The following TTI1 variants were observed in gnomAD, a reference collection of about 807,000 sequenced individuals.
The protein encoded by TTI1 is TELO2-interacting protein 1 homolog.
TTI1 carries 52 observed loss-of-function variants against 85.4 expected under a neutral mutation model. The observed-to-expected ratio is 0.61, with a 90% CI of 0.49 to 0.77. The LOEUF (loss-of-function observed/expected upper bound fraction) is 0.77. Among genes scored for constraint, TTI1 ranks in the 30% least tolerant of loss-of-function variants. TTI1 has a pLI of 0.00. For synonymous variants in TTI1, 512 were observed against 503.9 expected (o/e 1.02, Z -0.22); for missense variants, 1,173 against 1,296.0 (o/e 0.91, Z 1.46).
Position 38,013,218 on chromosome 20 carries a change from T to C in TTI1, c.599A>G (p.Lys200Arg). ...HPRSLDELEQ[K>R]QLGDLFASFL... ...AGAGGCAAACAAATCCCCCAGCTGC[T>C]TTTGTTCAAGTTCATCCAATGACCT... Residue 200 changes from lysine to arginine, a missense_variant, in exon 2 of 8, where the codon AAG becomes AGG. Lys to Arg is a conservative substitution (Grantham distance 26, BLOSUM62 2). Transcript: ENST00000373447. 1 of 1,614,104 alleles carries C rather than the reference T, an allele frequency of 6.2e-7. No individual in the cohort carries two copies. Among genetic ancestry groups the C allele is most frequent in the Non-Finnish European group, 8.5e-7 (1 of 1,180,036 alleles).
intron 4 of TTI1, among the ~76,000 whole-genome samples, chr20:38,001,620 T>C (rs540735386): frequency 6.6e-6 from 1 of 152,268 alleles, no homozygotes; most frequent in Non-Finnish European, 1.5e-5. Context: ...GCGCTGAGAT[T>C]TGAGATAATC....
chr20:37,999,354 T>C lies in TTI1; in HGVS notation c.2653-26A>G, dbSNP rs192623027. 5.0e-3 allele frequency: 6,846 copies of C among 1,362,580 alleles called. 28 individuals are homozygous for C. The highest frequency in any genetic ancestry group is 5.5e-3 in the Non-Finnish European group (5,748 of 1,046,036). 84.4% of individuals were successfully genotyped at this position (1,362,580 alleles called of 1,614,324 possible). On this transcript the variant is annotated intron_variant, in intron 4 of 7. Coordinates refer to ENST00000373447, the MANE Select transcript of TTI1 (RefSeq NM_001303457.2). ...CTGAAAGAGACACGATTTCAGCAGA[T>C]GGTATAGGCTTGAAAACAGATACCT...
chr20:37,996,294 G>T, intron 7 of TTI1, 81 bp downstream of exon 7: 1 of 1,423,930 alleles, frequency 7.0e-7, no homozygotes, highest in Middle Eastern at 1.8e-4. Context: ...GAGCAGAGAT[G>T]CCTCAACTCT....
At chr20:37,983,660 G>A in intron 7 of TTI1, 21 bp from the exon 8 acceptor site, 1 of 1,494,506 alleles carries the variant, frequency 6.7e-7, no homozygotes, top group Non-Finnish European at 8.9e-7. Flanking sequence ...ATGGAAAGGA[G>A]TGAGTAGAGG....
chr20:38,019,499 G>A (rs547319296), intron 1 of TTI1, among the ~76,000 whole-genome samples: 2 of 152,232 alleles, frequency 1.3e-5, no homozygotes, highest in East Asian at 3.9e-4. Context: ...ATGTCAAGAT[G>A]TTAAATGCAT....
chr20:38,017,404 T>TTGTGTGTG (rs66542554), intron 1 of TTI1, among the ~76,000 whole-genome samples: 16,861 of 146,046 alleles, frequency 0.12, 1,041 homozygotes, highest in African/African-American at 0.17. Context: ...AATCAATAGC[T>TTGTGTGTG]TGTGTGTGTG....
rs1479945225 is a variant in TTI1, at chr20:38,012,296, G to A, written c.1521C>T (p.His507=). The A allele has an allele frequency of 1.9e-6, 3 of 1,614,190 alleles. No individual in the cohort carries two copies. Among genetic ancestry groups the A allele is most frequent in the Middle Eastern group, 1.6e-4 (1 of 6,062 alleles). Residue 507 remains histidine, a synonymous_variant, in exon 2 of 8, where the codon CAC becomes CAT. Transcript: ENST00000373447. ...YYGNLYLLVD[H]FMELYHQSVV... ...CAGATTGATGGTAAAGTTCCATAAA[G>A]TGATCCACAAGCAAATAAAGATTCC...
At chr20:38,004,297 C>T (rs143967689) in intron 3 of TTI1, among the ~76,000 whole-genome samples, 124 of 152,286 alleles carry the variant, frequency 8.1e-4, no homozygotes, top group African/African-American at 2.8e-3. Flanking sequence ...CTTACAGCCC[C>T]CAGCCTCATG....
At chr20:37,990,213 C>T (rs553026549) in intron 7 of TTI1, among the ~76,000 whole-genome samples, 21 of 152,252 alleles carry the variant, frequency 1.4e-4, no homozygotes, top group Non-Finnish European at 2.8e-4. Context: ...TCACTTCCTT[C>T]CTTTTTTCTT....
At chr20:38,006,170 C>A (rs760999227) in intron 3 of TTI1, 27 bp downstream of exon 3, 51 of 1,611,922 alleles carry the variant, frequency 3.2e-5, no homozygotes, top group Middle Eastern at 3.3e-4. Context: ...AAAGAAAAAA[C>A]CAGCTAAGCC....
intron 1 of TTI1, among the ~76,000 whole-genome samples, chr20:38,020,702 A>AT (rs541732128): frequency 4.9e-4 from 75 of 152,332 alleles, no homozygotes; most frequent in African/African-American, 1.7e-3. Flanking sequence ...CTGAATAGAC[A>AT]TATCACAAAA....
chr20:37,998,270 C>T (rs1040635159), intron 5 of TTI1, among the ~76,000 whole-genome samples: 1 of 151,948 alleles, frequency 6.6e-6, no homozygotes, highest in Non-Finnish European at 1.5e-5. Flanking sequence ...CACACACACA[C>T]GTATCATTTT....
intron 7 of TTI1, among the ~76,000 whole-genome samples, chr20:37,990,157 G>A (rs6097205): frequency 1.8e-3 from 272 of 152,116 alleles, no homozygotes; most frequent in African/African-American, 6.1e-3. Context: ...ACCTCAACTC[G>A]GTCTCATCTT....
At chr20:38,018,967 T>C (rs2073723033) in intron 1 of TTI1, 1 of 151,878 alleles carries the variant, frequency 6.6e-6, no homozygotes, top group Non-Finnish European at 1.5e-5. Context: ...CTAAGCAACA[T>C]GGCGAAACTC....
rs372698369 is a variant in TTI1, at chr20:38,011,707, A to C, written c.2110T>G (p.Leu704Val). ...TGCAGAGCCAGATGACGCAGATTTA[A>C]AGAGATCCCATTCACTAAATAGTCT... ...NSDYLVNGISLNLRHLALHPH... is the reference protein window; with the variant it reads ...NSDYLVNGISVNLRHLALHPH... Residue 704 changes from leucine (L) to valine (V), a missense_variant, in exon 2 of 8, where the codon TTA becomes GTA. Coordinates refer to ENST00000373447, the MANE Select transcript of TTI1 (RefSeq NM_001303457.2). 2.0e-5 allele frequency: 32 copies of C among 1,614,092 alleles called. No homozygotes were observed. The highest frequency in any genetic ancestry group is 2.5e-5 in the Non-Finnish European group (30 of 1,180,038).
In TTI1 at chr20:38,012,980, C is replaced by T. The variant is rs1213494975; in HGVS notation, c.837G>A (p.Trp279Ter). 1 of 1,614,004 alleles carries T rather than the reference C, an allele frequency of 6.2e-7. No homozygotes were observed. Among genetic ancestry groups the T allele is most frequent in the South Asian group, 1.1e-5 (1 of 91,066 alleles). Reference protein sequence around the residue: ...AELMVYREADWVKKTGDKLTI... With the variant: ...AELMVYREAD ...TCAACTTGTCGCCAGTCTTTTTTAC[C>T]CAATCTGCTTCCCTGTAAACCATCA... The change falls in exon 2 of 8, where the codon TGG becomes TGA. Residue 279 changes from tryptophan (W) to a stop codon, truncating the protein, a stop_gained. Coordinates refer to ENST00000373447, the MANE Select transcript of TTI1 (RefSeq NM_001303457.2). LOFTEE classifies it high-confidence loss of function.
chr20:37,993,611 G>A (rs2073296917), intron 7 of TTI1, among the ~76,000 whole-genome samples: 1 of 152,144 alleles, frequency 6.6e-6, no homozygotes, highest in African/African-American at 2.4e-5. Context: ...CTGTTCTACA[G>A]GGCTGGTGCA....
At position 38,006,192 on chromosome 20, in the gene TTI1, G is replaced by A; in HGVS notation, c.2503+5C>T. 6.2e-7 allele frequency: 1 copy of A among 1,613,954 alleles called. No homozygotes were observed. Among genetic ancestry groups the A allele is most frequent in the Non-Finnish European group, 8.5e-7 (1 of 1,179,952 alleles). On this transcript the variant is annotated splice_donor_5th_base_variant and intron_variant, in intron 3 of 7. Coordinates refer to ENST00000373447, the MANE Select transcript of TTI1 (RefSeq NM_001303457.2). ...AAACCAGCTAAGCCAAAATAAACAA[G>A]TTACCTTCTTCATTATCAAAATCCG...
rs763554442 is a variant in TTI1, at chr20:38,011,957, C to A, written c.1860G>T (p.Met620Ile). 1.2e-6 allele frequency: 2 copies of A among 1,614,082 alleles called. No homozygotes were observed. The highest frequency in any genetic ancestry group is 2.7e-5 in the African/African-American group (2 of 74,918). Reference protein sequence around the residue: ...FSKPSPTICSMNSNIWQICIQ... With the variant: ...FSKPSPTICSINSNIWQICIQ... Reference sequence around the variant, plus strand: ...TGCATATTTGCCAGATGTTACTGTTCATGGAGCAAATAGTGGGACTTGGCT... The same window carrying A: ...TGCATATTTGCCAGATGTTACTGTTAATGGAGCAAATAGTGGGACTTGGCT... The change falls in exon 2 of 8, where the codon ATG (methionine) becomes ATT (isoleucine). Residue 620 changes from methionine (M) to isoleucine (I), a missense_variant. Coordinates refer to ENST00000373447, the MANE Select transcript of TTI1 (RefSeq NM_001303457.2).
Sources: allele counts gnomAD v4.1 joint callset (sites outside exome capture counted in the v4.1 genomes callset), GRCh38; gene constraint gnomAD v4.1.1; transcripts MANE v1.5; gene names NCBI Gene and HGNC (gene_info 2026-07-23, HGNC 2026-07-21).